RBFOX1: variants seen among roughly 807,000 people sequenced by gnomAD.
RBFOX1 encodes the protein RNA binding protein fox-1 homolog 1.
A neutral mutation model predicts 57.7 loss-of-function variants in RBFOX1; 8 were observed. That is an observed-to-expected ratio of 0.14 (90% CI 0.08 to 0.25). RBFOX1 has a LOEUF of 0.25. Ranked by LOEUF, RBFOX1 falls within the 10% of genes least tolerant of loss-of-function variation. The pLI is 1.00. For missense variants in RBFOX1, 611 were observed against 548.5 expected, an observed-to-expected ratio of 1.11 and a Z score of -1.14; for synonymous variants, 326 against 222.4, an observed-to-expected ratio of 1.47 and a Z score of -4.15.
chr16:5,758,602 G>A (rs2053480512), intron 3 of RBFOX1, among the ~76,000 whole-genome samples: 2 of 152,188 alleles, frequency 1.3e-5, no homozygotes, highest in Admixed American at 6.5e-5. Context: ...GTGTCTCCAT[G>A]GAAACTGGAA....
Position 6,498,254 on chromosome 16 carries a change from AAC to A in RBFOX1, c.-63-156347_-63-156346del, listed in dbSNP as rs201830049. 9.4e-4 allele frequency among the ~76,000 whole-genome samples: 138 copies of A among 146,420 alleles called. 7 individuals are homozygous for A. The highest frequency in any genetic ancestry group is 1.7e-3 in the African/African-American group (70 of 40,284). ...GTGACAGAGAGGAACTCCGTCTCAA[AAC>A]AAAAAAAAAAAAAAGGATGACAATT... is the stretch of plus-strand genomic sequence containing the variant. On this transcript the variant is annotated intron_variant, in intron 2 of 15. Transcript: ENST00000550418.
chr16:6,269,018 C>T (rs952364342), intron 1 of RBFOX1, among the ~76,000 whole-genome samples: 4 of 152,166 alleles, frequency 2.6e-5, no homozygotes, highest in Non-Finnish European at 5.9e-5. Flanking sequence ...AAGCATTTAT[C>T]ATTTTATTTG....
rs1567946555 is a variant in RBFOX1, at chr16:6,932,122, T to G, written c.-15-119935T>G. 3.3e-5 allele frequency among the ~76,000 whole-genome samples: 5 copies of G among 152,134 alleles called. 1 individual carries two copies. ...GTTTTTTGTTGCTGTTTTTGTTTTT[T>G]CAGATGGCATCCCATCTGTCACCCA... On this transcript the variant is annotated intron_variant, in intron 3 of 15. Coordinates refer to ENST00000550418, the MANE Select transcript of RBFOX1 (RefSeq NM_018723.4).
chr16:6,043,564 A>C (rs992801679), intron 1 of RBFOX1, among the ~76,000 whole-genome samples: 2 of 152,200 alleles, frequency 1.3e-5, no homozygotes, highest in Admixed American at 6.5e-5. Context: ...TCAAAAAGGG[A>C]AAGGGCATAA....
intron 3 of RBFOX1, among the ~76,000 whole-genome samples, chr16:6,916,359 C>T (rs1027613746): frequency 3.3e-5 from 5 of 152,094 alleles, no homozygotes. Context: ...GCTAATGCTG[C>T]TTTGGACCTC....
intron 1 of RBFOX1, among the ~76,000 whole-genome samples, chr16:5,420,545 G>C (rs905493419): frequency 6.6e-6 from 1 of 151,932 alleles, no homozygotes; most frequent in Admixed American, 6.6e-5. Flanking sequence ...GTCTCACTCT[G>C]TCATCCAGGC....
chr16:6,503,814 A>T (rs1029573609), intron 2 of RBFOX1, among the ~76,000 whole-genome samples: 2 of 152,170 alleles, frequency 1.3e-5, no homozygotes, highest in African/African-American at 4.8e-5. Context: ...GAAAAGGTAT[A>T]TGCAAATGGG....
intron 1 of RBFOX1, among the ~76,000 whole-genome samples, chr16:5,262,199 G>T (rs2062752594): frequency 6.6e-6 from 1 of 152,182 alleles, no homozygotes; most frequent in Admixed American, 6.5e-5. Flanking sequence ...ATGCAGTAAC[G>T]GGGAGAGAGT....
chr16:6,687,973 A>T (rs2059682504), intron 3 of RBFOX1, among the ~76,000 whole-genome samples: 1 of 152,212 alleles, frequency 6.6e-6, no homozygotes, highest in South Asian at 2.1e-4. Context: ...ACACATGCTA[A>T]CAAAACCACT....
chr16:7,224,645 C>G (rs912463863), intron 4 of RBFOX1, among the ~76,000 whole-genome samples: 3 of 152,094 alleles, frequency 2.0e-5, no homozygotes, highest in Non-Finnish European at 4.4e-5. Flanking sequence ...ATGGAAATGT[C>G]TTTTTGGTTA....
At chr16:5,291,410 C>T (rs544648700) in intron 1 of RBFOX1, among the ~76,000 whole-genome samples, 1 of 152,048 alleles carries the variant, frequency 6.6e-6, no homozygotes, top group African/African-American at 2.4e-5. Flanking sequence ...CTACAGGCAC[C>T]CGCCACCACG....
chr16:5,367,790 C>A (rs1434627380), intron 1 of RBFOX1, among the ~76,000 whole-genome samples: 5 of 152,126 alleles, frequency 3.3e-5, no homozygotes, highest in African/African-American at 1.2e-4. Context: ...CCCATGGTCC[C>A]ACATCCAGAA....
At chr16:5,604,027 C>T (rs1023219938), downstream of RBFOX1, among the ~76,000 whole-genome samples, 35 of 152,260 alleles carry the variant, frequency 2.3e-4, no homozygotes, top group African/African-American at 8.4e-4. Context: ...GCCATTCCCC[C>T]CTTCTATACT....
chr16:6,822,238 C>G (rs946754784), intron 3 of RBFOX1, among the ~76,000 whole-genome samples: 9 of 152,088 alleles, frequency 5.9e-5, no homozygotes, highest in African/African-American at 2.2e-4. Flanking sequence ...TGGCAGATTT[C>G]CCTTGAGTAT....
chr16:7,455,357 A>T (rs1212484835), intron 4 of RBFOX1, among the ~76,000 whole-genome samples: 1 of 152,174 alleles, frequency 6.6e-6, no homozygotes. Context: ...ATGTGCATGT[A>T]TGTCTCTGTG....
intron 1 of RBFOX1, among the ~76,000 whole-genome samples, chr16:6,288,742 G>C (rs2077153248): frequency 6.6e-6 from 1 of 152,112 alleles, no homozygotes; most frequent in South Asian, 2.1e-4. Context: ...AAGGTCTTAG[G>C]TCTCTAAGCA....
intron 3 of RBFOX1, among the ~76,000 whole-genome samples, chr16:6,857,219 T>C (rs147831254): frequency 5.9e-5 from 9 of 152,302 alleles, no homozygotes; most frequent in African/African-American, 1.7e-4. Context: ...TACGCTGATA[T>C]ATAAATCATA....
intron 4 of RBFOX1, among the ~76,000 whole-genome samples, chr16:7,186,989 C>T (rs2083997116): frequency 1.8e-5 from 2 of 111,402 alleles, no homozygotes; most frequent in Non-Finnish European, 1.7e-5. Flanking sequence ...GAAACCCCAC[C>T]TCCACAAAAA....
At chr16:6,813,345 C>G (rs1230053510) in intron 3 of RBFOX1, among the ~76,000 whole-genome samples, 2 of 152,176 alleles carry the variant, frequency 1.3e-5, no homozygotes, top group Non-Finnish European at 2.9e-5. Flanking sequence ...ATTCATGTAA[C>G]TGCCTTCAGA....
Sources: gnomAD v4.1 joint callset for allele counts (sites outside exome capture counted in the v4.1 genomes callset) on GRCh38, gnomAD v4.1.1 for gene constraint, MANE v1.5 for transcripts, NCBI Gene and HGNC (gene_info 2026-07-23, HGNC 2026-07-21) for gene names.